Variants in KLHL6 observed in about 807,000 individuals in gnomAD.
The protein encoded by KLHL6 is kelch like family member 6.
In KLHL6, 41 loss-of-function variants were observed where a neutral mutation model predicts 58.6. The observed-to-expected ratio is 0.70, with a 90% confidence interval of 0.55 to 0.91. The LOEUF (loss-of-function observed/expected upper bound fraction) is 0.91. Ranked by LOEUF, KLHL6 falls within the 40% of genes least tolerant of loss-of-function variation. The pLI is 0.00. For synonymous variants in KLHL6, 338 were observed against 322.7 expected, an observed-to-expected ratio of 1.05 and a Z score of -0.51; for missense variants, 714 against 805.6, an observed-to-expected ratio of 0.89 and a Z score of 1.38.
At chr3:183,517,772 G>T (rs188763376) in intron 2 of KLHL6, among the ~76,000 whole-genome samples, 1 of 152,330 alleles carries the variant, frequency 6.6e-6, no homozygotes, top group East Asian at 1.9e-4. Flanking sequence ...GGCATGGCTG[G>T]GGCTCAGTGA....
At position 183,499,480 on chromosome 3, in the gene KLHL6, G is replaced by A. The variant is rs1254248230; in HGVS notation, c.1147+110C>T. On this transcript the variant is annotated intron_variant, in intron 4 of 6. Coordinates refer to ENST00000341319, the MANE Select transcript of KLHL6 (RefSeq NM_130446.4). The surrounding 1 kb of genome is among the most constrained non-coding windows in gnomAD (Gnocchi z 4.6). ...TCCATATCCTGTCTCAGTCAGAGCC[G>A]GATCATTGCCAATTCACAGTAATTC... The A allele has an allele frequency of 1.1e-5, 8 of 715,444 alleles. No homozygotes were observed. Among genetic ancestry groups the A allele is most frequent in the Middle Eastern group, 2.4e-4 (1 of 4,088 alleles). The allele number at this position is 715,444 out of a possible 1,614,324, so 44.3% of individuals were successfully genotyped here.
chr3:183,498,833 A>C (rs752468504), intron 4 of KLHL6, among the ~76,000 whole-genome samples: 1 of 152,228 alleles, frequency 6.6e-6, no homozygotes, highest in Non-Finnish European at 1.5e-5. Context: ...ACACTTTCGT[A>C]ATGAAAAAGT....
chr3:183,544,715 CCTTT>C (rs1266387167), intron 1 of KLHL6: 3 of 152,148 alleles, frequency 2.0e-5, no homozygotes, highest in African/African-American at 7.3e-5. Context: ...GGCCTCTCCG[CCTTT>C]CTATCTTCTG....
At chr3:183,544,247 A>AAATACAGT (rs1351921943) in intron 1 of KLHL6, among the ~76,000 whole-genome samples, 1 of 151,990 alleles carries the variant, frequency 6.6e-6, no homozygotes, top group Non-Finnish European at 1.5e-5. Flanking sequence ...CATAGAAGTT[A>AAATACAGT]AATACAGTAA....
chr3:183,495,844 G>A (rs1395519302), intron 4 of KLHL6, among the ~76,000 whole-genome samples: 1 of 152,036 alleles, frequency 6.6e-6, no homozygotes, highest in East Asian at 1.9e-4. Context: ...TACAAACAGT[G>A]CAGTACTAGA....
At chr3:183,525,418 T>C (rs1296435638) in intron 2 of KLHL6, among the ~76,000 whole-genome samples, 2 of 152,092 alleles carry the variant, frequency 1.3e-5, no homozygotes, top group Non-Finnish European at 2.9e-5. Context: ...CAAAGTAAAG[T>C]AAAAACCACA....
intron 1 of KLHL6, among the ~76,000 whole-genome samples, chr3:183,551,414 C>G (rs77682032): frequency 0.013 from 1,997 of 152,128 alleles, 36 homozygotes; most frequent in African/African-American, 0.046. Flanking sequence ...TTTTTGTGAG[C>G]CTGTGAGCAA....
At chr3:183,545,768 G>A (rs141525418) in intron 1 of KLHL6, among the ~76,000 whole-genome samples, 6 of 152,322 alleles carry the variant, frequency 3.9e-5, no homozygotes, top group African/African-American at 1.2e-4. Flanking sequence ...TCACATGAGC[G>A]ACCGGTTCAA....
chr3:183,504,897 C>T (rs1174016568), intron 3 of KLHL6, among the ~76,000 whole-genome samples: 2 of 152,092 alleles, frequency 1.3e-5, no homozygotes, highest in Non-Finnish European at 2.9e-5. Flanking sequence ...CTTTTGTTCC[C>T]TTCTTTGTGT....
intron 2 of KLHL6, among the ~76,000 whole-genome samples, chr3:183,513,037 T>C (rs1281907013): frequency 6.6e-6 from 1 of 152,200 alleles, no homozygotes; most frequent in African/African-American, 2.4e-5. Context: ...GCAGTGGTTA[T>C]AGATAAAGTT....
At chr3:183,554,681 C>G (rs1021587901) in intron 1 of KLHL6, among the ~76,000 whole-genome samples, 1 of 152,194 alleles carries the variant, frequency 6.6e-6, no homozygotes, top group Admixed American at 6.5e-5. Context: ...TTCTCTATGT[C>G]TGTTGATTAA....
intron 5 of KLHL6, chr3:183,493,786 A>T (rs1717637347): frequency 2.4e-6 from 1 of 415,262 alleles, no homozygotes; most frequent in Non-Finnish European, 4.4e-6. Context: ...AGACCAAGAG[A>T]TCTCCCATCT....
At chr3:183,533,490 T>A (rs1712227011) in intron 1 of KLHL6, among the ~76,000 whole-genome samples, 1 of 151,512 alleles carries the variant, frequency 6.6e-6, no homozygotes, top group African/African-American at 2.4e-5. Flanking sequence ...AGGCTGGTGG[T>A]GAACTCTGGG....
chr3:183,543,972 T>G (rs1047628012), intron 1 of KLHL6, among the ~76,000 whole-genome samples: 1 of 152,244 alleles, frequency 6.6e-6, no homozygotes, highest in East Asian at 1.9e-4. Context: ...AAGACCAGCC[T>G]GGCCAACATG....
rs1713086028 is a variant in KLHL6 at position 183,555,457 on chromosome 3, C to G, written c.197G>C (p.Arg66Pro). 6.2e-7 allele frequency: 1 copy of G among 1,614,160 alleles called. No individual in the cohort carries two copies. Among genetic ancestry groups the G allele is most frequent in the Admixed American group, 1.7e-5 (1 of 60,024 alleles). The change falls in exon 1 of 7, where the codon CGA (arginine) becomes CCA (proline). Residue 66 changes from arginine (R) to proline (P), a missense_variant. Arg to Pro is a moderately radical substitution (Grantham distance 103). This residue lies in a region of KLHL6 where 204 missense variants were observed against 175.9 expected (regional missense o/e 1.16). Transcript: ENST00000341319. ...GACATCTGTCAGAGCGTTTTCCATT[C>G]GCAGGGTTTCCAGGCCATTCTGAAG... is the stretch of plus-strand genomic sequence containing the variant. ...LILQNGLETL[R>P]MENALTDVIL...
chr3:183,509,817 T>G (rs1487062936), intron 2 of KLHL6, among the ~76,000 whole-genome samples: 1 of 152,214 alleles, frequency 6.6e-6, no homozygotes, highest in African/African-American at 2.4e-5. Flanking sequence ...GAAACAGGTC[T>G]CATGGGATGG....
intron 4 of KLHL6, among the ~76,000 whole-genome samples, chr3:183,497,896 A>G (rs540336663): frequency 6.6e-4 from 101 of 152,358 alleles, no homozygotes; most frequent in African/African-American, 2.3e-3. Context: ...TGGCACAGAG[A>G]AACTGCCCTA....
At chr3:183,553,233 C>T (rs1483127794) in intron 1 of KLHL6, among the ~76,000 whole-genome samples, 1 of 152,194 alleles carries the variant, frequency 6.6e-6, no homozygotes, top group African/African-American at 2.4e-5. Context: ...TGCCTTCACC[C>T]TCATGTTCTC....
intron 1 of KLHL6, among the ~76,000 whole-genome samples, chr3:183,529,062 T>A (rs1234259536): frequency 6.6e-6 from 1 of 152,048 alleles, no homozygotes; most frequent in Non-Finnish European, 1.5e-5. Context: ...AAACCAAATA[T>A]CTCATGTTCT....
Sources: gnomAD v4.1 joint callset for allele counts (sites outside exome capture counted in the v4.1 genomes callset) on GRCh38, gnomAD v4.1.1 for gene constraint, gnomAD v4.1.1 regional missense constraint, Gnocchi (gnomAD v3.1) non-coding constraint, MANE v1.5 for transcripts, NCBI Gene and HGNC (gene_info 2026-07-23, HGNC 2026-07-21) for gene names.